IGFN1: variants seen among roughly 807,000 people sequenced by gnomAD.
IGFN1 encodes the protein immunoglobulin like and fibronectin type III domain containing 1.
Under a neutral mutation model 289.5 loss-of-function variants are expected in IGFN1, and 253 were observed. That is an observed-to-expected ratio of 0.87 (90% CI 0.79 to 0.97). IGFN1 has a LOEUF of 0.97. IGFN1 is among the 50% of genes least tolerant of loss of function. IGFN1 has a pLI of 0.00. For synonymous variants in IGFN1, 1,706 were observed against 1,788.5 expected (o/e 0.95, Z 1.16); for missense variants, 4,470 against 4,686.1 (o/e 0.95, Z 1.35).
In IGFN1 at chr1:201,213,472, A is replaced by T; in HGVS notation, c.8579A>T (p.Asp2860Val). ...WGCLEEMLNEDQSREPPGHLG... is the reference protein window; with the variant it reads ...WGCLEEMLNEVQSREPPGHLG... ...TGCCTGGAGGAGATGCTGAATGAAG[A>T]TCAGAGCCGGGAGCCCCCTGGTCAC... Residue 2860 changes from aspartate (D) to valine (V), a missense_variant, in exon 12 of 24, where the codon GAT becomes GTT. Physicochemically the swap from Asp to Val is radical, Grantham distance 152. Transcript: ENST00000335211. 6.2e-7 allele frequency: 1 copy of T among 1,614,038 alleles called. No individual in the cohort carries two copies. The highest frequency in any genetic ancestry group is 8.5e-7 in the Non-Finnish European group (1 of 1,179,950).
intron 9 of IGFN1, 27 bp from the exon 10 acceptor site, chr1:201,203,711 C>A: frequency 3.9e-6 from 6 of 1,549,008 alleles, no homozygotes; most frequent in Non-Finnish European, 3.5e-6. Flanking sequence ...CACTGAGGCC[C>A]GCCTCCTCTT....
chr1:201,205,235 A>G lies in IGFN1; in HGVS notation c.1070A>G (p.Tyr357Cys), dbSNP rs1667351169. The change falls in exon 11 of 24, where the codon TAT becomes TGT. Residue 357 changes from tyrosine to cysteine, a missense_variant. By Grantham distance (194) the Tyr-to-Cys change is radical. This residue lies in a region of IGFN1 where 2,011 missense variants were observed against 1,953.4 expected (regional missense o/e 1.03). Transcript: ENST00000335211. ...LLHPSDKYEV[Y>C]VSPDGLTHRL... is the part of the protein sequence containing the mutation. ...CACCCCAGTGACAAATATGAAGTGTATGTGTCCCCTGACGGGCTGACCCAC... is the reference window on the plus strand; with the variant it reads ...CACCCCAGTGACAAATATGAAGTGTGTGTGTCCCCTGACGGGCTGACCCAC... 1.3e-6 allele frequency: 2 copies of G among 1,551,048 alleles called. No homozygotes were observed. Among genetic ancestry groups the G allele is most frequent in the South Asian group, 1.2e-5 (1 of 84,054 alleles).
At position 201,218,596 on chromosome 1, in the gene IGFN1, C is replaced by A; in HGVS notation, c.9836C>A (p.Ala3279Asp). Residue 3279 changes from alanine to aspartate, a missense_variant, in exon 18 of 24, where the codon GCT (alanine) becomes GAT (aspartate). By Grantham distance (126) the Ala-to-Asp change is moderately radical. Transcript: ENST00000335211. ...TATGAGTTCCGGGTCACAGCTGTGG[C>A]TCCCTCAGGTCCCGGAGAGCCTGGA... ...CQYEFRVTAV[A>D]PSGPGEPGPP... 1 of 1,613,038 alleles carries A rather than the reference C, an allele frequency of 6.2e-7. No individual in the cohort carries two copies. The highest frequency in any genetic ancestry group is 8.5e-7 in the Non-Finnish European group (1 of 1,179,940).
Position 201,203,905 on chromosome 1 carries a change from T to C in IGFN1, c.915T>C (p.Ser305=), listed in dbSNP as rs1558138221. Residue 305 remains serine, a splice_region_variant and synonymous_variant, in exon 10 of 24, where the codon AGT becomes AGC. Coordinates refer to ENST00000335211, the MANE Select transcript of IGFN1 (RefSeq NM_001164586.2). ...AVVFSTELEA[S]AIPPRVVVPL... ...TCTTCTCCACAGAACTGGAGGCCAG[T>C]GGTGAGTGGTCTACACTGCCGAAGT... 6.4e-7 allele frequency: 1 copy of C among 1,551,250 alleles called. No individual in the cohort carries two copies. Among genetic ancestry groups the C allele is most frequent in the Non-Finnish European group, 8.7e-7 (1 of 1,146,766 alleles).
Position 201,213,099 on chromosome 1 carries a change from G to A in IGFN1, c.8206G>A (p.Gly2736Arg). ...AAAACCTGGGGAGTCCGGACCTCAG[G>A]GAGCCTGGAATGGCTTAGATGGTCC... ...TPKPGESGPQ[G>R]AWNGLDGPFG... The change falls in exon 12 of 24, where the codon GGA (glycine) becomes AGA (arginine). Residue 2736 changes from glycine (G) to arginine (R), a missense_variant. By Grantham distance (125) the Gly-to-Arg change is moderately radical (BLOSUM62 -2). Around this residue, in one of 8 missense-constraint regions of IGFN1, gnomAD observed 2,218 missense variants for 2,114.1 expected, o/e 1.05. Coordinates refer to ENST00000335211, the MANE Select transcript of IGFN1 (RefSeq NM_001164586.2). 6.4e-7 allele frequency: 1 copy of A among 1,551,662 alleles called. No homozygotes were observed.
At chr1:201,213,693 T>C in intron 12 of IGFN1, 72 bp downstream of exon 12, 1 of 1,290,096 alleles carries the variant, frequency 7.8e-7, no homozygotes, top group Non-Finnish European at 1.1e-6. Flanking sequence ...ACTGGGATGC[T>C]TGGGTCTGTC....
Position 201,209,524 on chromosome 1 carries a change from G to C in IGFN1, c.4631G>C (p.Ser1544Thr). 6.5e-7 allele frequency: 1 copy of C among 1,533,162 alleles called. No individual in the cohort carries two copies. Among genetic ancestry groups the C allele is most frequent in the African/African-American group, 1.4e-5 (1 of 72,908 alleles). The allele number at this position is 1,533,162 out of a possible 1,614,324, so 95.0% of individuals were successfully genotyped here. The change falls in exon 12 of 24, where the codon AGT (serine) becomes ACT (threonine). Residue 1544 changes from serine to threonine, a missense_variant. Ser to Thr is a moderately conservative substitution (Grantham distance 58). Coordinates refer to ENST00000335211, the MANE Select transcript of IGFN1 (RefSeq NM_001164586.2). ...GCTTCTGAGGCAATAGGTTCAGGGA[G>C]TAAGGCAGGTTTTACGGATGGTTTA... ...LGASEAIGSGSKAGFTDGLGG... is the reference protein window; with the variant it reads ...LGASEAIGSGTKAGFTDGLGG...
At position 201,190,906 on chromosome 1, in the gene IGFN1, AGGTAAGTG is replaced by A. The variant is rs1432785994; in HGVS notation, c.-48+3_-48+10del. 6.6e-6 allele frequency: 1 copy of A among 152,276 alleles called. No homozygotes were observed. Among genetic ancestry groups the A allele is most frequent in the Non-Finnish European group, 1.5e-5 (1 of 68,140 alleles). 9.4% of individuals were successfully genotyped at this position (152,276 alleles called of 1,614,324 possible). A position where few individuals can be genotyped will look rare whatever the true frequency, so the allele number is the denominator to read the frequency against. On this transcript the variant is annotated splice_donor_variant and splice_donor_5th_base_variant and 5_prime_UTR_variant and intron_variant, in exon 1 of 24. Coordinates refer to ENST00000335211, the MANE Select transcript of IGFN1 (RefSeq NM_001164586.2). LOFTEE classifies it low-confidence loss of function (5UTR_SPLICE). Reference sequence around the variant, plus strand: ...GAAGCGGGAGGTCAGCTGTACACCCAGGTAAGTGGGTGCTCACACCTGGCTGCCCACCC... The same window carrying A: ...GAAGCGGGAGGTCAGCTGTACACCCAGGTGCTCACACCTGGCTGCCCACCC...
intron 5 of IGFN1, among the ~76,000 whole-genome samples, chr1:201,198,838 G>A (rs770963755): frequency 1.9e-4 from 29 of 152,252 alleles, no homozygotes; most frequent in South Asian, 6.2e-4. Flanking sequence ...TGGGGAAGGT[G>A]AGTGTTTAGC....
At chr1:201,199,736 T>G in intron 7 of IGFN1, 82 bp downstream of exon 7, 2 of 1,269,828 alleles carry the variant, frequency 1.6e-6, no homozygotes, top group Non-Finnish European at 2.2e-6. Flanking sequence ...AAGCTGGGCT[T>G]GAGCCCCACC....
At chr1:201,228,305 C>A in intron 23 of IGFN1, 81 bp from the exon 24 acceptor site, 1 of 1,387,576 alleles carries the variant, frequency 7.2e-7, no homozygotes, top group Non-Finnish European at 1.0e-6. Flanking sequence ...AAGCCCCATT[C>A]TGAGTTTTCT....
chr1:201,212,397 T>A lies in IGFN1; in HGVS notation c.7504T>A (p.Ser2502Thr). ...GCAAGACAGTTCTGGGACTCCAGGG[T>A]CTTCTAGAGACAGAGGGGCTCCCAG... Reference protein sequence around the residue: ...EWQDSSGTPGSSRDRGAPRVK... With the variant: ...EWQDSSGTPGTSRDRGAPRVK... Residue 2502 changes from serine to threonine, a missense_variant, in exon 12 of 24, where the codon TCT (serine) becomes ACT (threonine). This residue lies in a region of IGFN1 where 2,218 missense variants were observed against 2,114.1 expected (regional missense o/e 1.05). Coordinates refer to ENST00000335211, the MANE Select transcript of IGFN1 (RefSeq NM_001164586.2). 6.5e-7 allele frequency: 1 copy of A among 1,536,856 alleles called. No individual in the cohort carries two copies. Among genetic ancestry groups the A allele is most frequent in the Non-Finnish European group, 8.7e-7 (1 of 1,146,802 alleles).
intron 14 of IGFN1, 61 bp downstream of exon 14, chr1:201,215,215 G>A (rs913184010): frequency 2.0e-6 from 3 of 1,532,630 alleles, no homozygotes; most frequent in Middle Eastern, 2.3e-4. Context: ...TGTACCAGGT[G>A]ATATGCCTTG....
In IGFN1 at chr1:201,199,370, C is replaced by T. The variant is rs368275026; in HGVS notation, c.404C>T (p.Pro135Leu). The change falls in exon 6 of 24, where the codon CCG becomes CTG. Residue 135 changes from proline (P) to leucine (L), a missense_variant. By Grantham distance (98) the Pro-to-Leu change is moderately conservative. This residue lies in a region of IGFN1 where 2,011 missense variants were observed against 1,953.4 expected (regional missense o/e 1.03). Transcript: ENST00000335211. ...AAGAATCGGAAGAGGCACAGGGAAC[C>T]GCAGGAAGGTAGGCAGATTTGTCAG... is the stretch of plus-strand genomic sequence containing the variant. The part of the protein sequence containing the change: ...FRKNRKRHRE[P>L]QEDLRKELMD... 28 of 1,551,788 alleles carry T rather than the reference C, an allele frequency of 1.8e-5. No individual in the cohort carries two copies. In the African/African-American group the frequency reaches 2.2e-4, roughly 12 times the overall value.
chr1:201,193,446 T>G, intron 2 of IGFN1, 146 bp downstream of exon 2: 1 of 632,588 alleles, frequency 1.6e-6, no homozygotes, highest in Non-Finnish European at 2.8e-6. Context: ...TTTTATTTTA[T>G]TTTTATTGTT....
chr1:201,198,191 A>G (rs1026575796), intron 5 of IGFN1, among the ~76,000 whole-genome samples: 1 of 152,200 alleles, frequency 6.6e-6, no homozygotes, highest in Non-Finnish European at 1.5e-5. Context: ...GCTGGAGTAC[A>G]GTGGCACAAT....
intron 1 of IGFN1, 21 bp from the exon 2 acceptor site, chr1:201,193,226 C>T: frequency 8.2e-7 from 1 of 1,214,636 alleles, no homozygotes; most frequent in Non-Finnish European, 1.2e-6. Context: ...TTCTCAAAAG[C>T]AATTCCATTT....
At chr1:201,192,530 T>C (rs1022185173) in intron 1 of IGFN1, among the ~76,000 whole-genome samples, 1 of 151,882 alleles carries the variant, frequency 6.6e-6, no homozygotes, top group African/African-American at 2.4e-5. Context: ...GAATGGAAAA[T>C]ACTCCTATTC....
At chr1:201,215,504 C>T (rs769621103) in intron 14 of IGFN1, 35 bp from the exon 15 acceptor site, 2 of 1,516,830 alleles carry the variant, frequency 1.3e-6, no homozygotes, top group Non-Finnish European at 1.8e-6. Context: ...TGCCCAGTGC[C>T]CTGGTCTTCC....
Sources: allele counts gnomAD v4.1 joint callset (sites outside exome capture counted in the v4.1 genomes callset), GRCh38; gene constraint gnomAD v4.1.1; regional missense constraint gnomAD v4.1.1; transcripts MANE v1.5; gene names NCBI Gene and HGNC (gene_info 2026-07-23, HGNC 2026-07-21).